Variants in FLRT1 observed in about 807,000 individuals in gnomAD.
The protein encoded by FLRT1 is leucine-rich repeat transmembrane protein FLRT1.
In FLRT1, 14 loss-of-function variants were observed where a neutral mutation model predicts 30.9. The ratio of observed to expected loss-of-function variants is 0.45; its 90% confidence interval spans 0.30 to 0.71. The LOEUF is 0.71. FLRT1 is among the 30% of genes least tolerant of loss of function. The pLI, the probability that FLRT1 is intolerant of heterozygous loss-of-function variation, is 0.08. For missense variants in FLRT1, 737 were observed against 949.2 expected, an observed-to-expected ratio of 0.78 and a Z score of 2.94; for synonymous variants, 368 against 430.4, an observed-to-expected ratio of 0.85 and a Z score of 1.80.
intron 1 of FLRT1, among the ~76,000 whole-genome samples, chr11:64,052,012 G>T (rs1198042821): frequency 1.3e-5 from 2 of 151,684 alleles, no homozygotes; most frequent in Admixed American, 1.3e-4. Context: ...GAGAGCTGGG[G>T]GCTTGCTAAT....
chr11:64,063,449 C>T (rs1442867643), intron 1 of FLRT1, among the ~76,000 whole-genome samples: 2 of 151,966 alleles, frequency 1.3e-5, no homozygotes, highest in Non-Finnish European at 1.5e-5. Flanking sequence ...CCAGGGGTGG[C>T]GAATTGTGCT....
intron 1 of FLRT1, among the ~76,000 whole-genome samples, chr11:64,072,494 C>T (rs542737718): frequency 1.3e-5 from 2 of 152,176 alleles, no homozygotes; most frequent in Admixed American, 1.3e-4. Context: ...CCATAAGTTA[C>T]GAGCATGATG....
intron 1 of FLRT1, among the ~76,000 whole-genome samples, chr11:64,065,278 C>T (rs988718555): frequency 1.3e-5 from 2 of 152,078 alleles, no homozygotes; most frequent in East Asian, 1.9e-4. Context: ...TGGGCAGGAT[C>T]GGGCAGGTGG....
At chr11:64,039,231 G>T (rs1269634505) in intron 1 of FLRT1, among the ~76,000 whole-genome samples, 1 of 152,060 alleles carries the variant, frequency 6.6e-6, no homozygotes, top group Non-Finnish European at 1.5e-5. Flanking sequence ...AGCGTGGGTG[G>T]ACAAGAAGGG....
chr11:64,100,483 G>A (rs1229889866), intron 1 of FLRT1, among the ~76,000 whole-genome samples: 1 of 152,228 alleles, frequency 6.6e-6, no homozygotes, highest in African/African-American at 2.4e-5. Flanking sequence ...GGGAGGCCAA[G>A]GCGAGGAGTG....
chr11:64,084,303 CAT>C (rs1175806313), intron 1 of FLRT1, among the ~76,000 whole-genome samples: 2 of 152,252 alleles, frequency 1.3e-5, no homozygotes, highest in South Asian at 2.1e-4. Flanking sequence ...AGCAGGAACA[CAT>C]GTGTGAGAGT....
chr11:64,091,323 T>G (rs953301274), intron 1 of FLRT1, among the ~76,000 whole-genome samples: 3 of 151,998 alleles, frequency 2.0e-5, no homozygotes, highest in African/African-American at 7.3e-5. Flanking sequence ...TTTCATCACG[T>G]TTCATTTTCT....
intron 2 of FLRT1, among the ~76,000 whole-genome samples, chr11:64,115,087 G>A (rs1226756615): frequency 6.6e-6 from 1 of 152,150 alleles, no homozygotes; most frequent in Non-Finnish European, 1.5e-5. Flanking sequence ...GGGACTTCAG[G>A]TTCCGAGAGG....
At chr11:64,054,987 C>T (rs1044917383) in intron 1 of FLRT1, among the ~76,000 whole-genome samples, 5 of 152,208 alleles carry the variant, frequency 3.3e-5, no homozygotes, top group Non-Finnish European at 7.3e-5. Context: ...CCCTTTCCTA[C>T]CGCCACTACC....
rs1322458498 is a variant in FLRT1 at position 64,067,058 on chromosome 11, A to G, written c.-1038+30899A>G. Among the ~76,000 whole-genome samples, 5 of 151,972 alleles carry G rather than the reference A, an allele frequency of 3.3e-5. No homozygotes were observed. The highest frequency in any genetic ancestry group is 9.7e-5 in the African/African-American group (4 of 41,366). ...GGGGCTCAGGGACCCCCCATGCCCA[A>G]TGTCCTGGCTCATTTGGGTAAACTA... On this transcript the variant is annotated intron_variant, in intron 1 of 2. Coordinates refer to ENST00000682287, the MANE Select transcript of FLRT1 (RefSeq NM_013280.5). This position sits in a 1 kb window ranked among gnomAD's most constrained non-coding sequence, Gnocchi z 4.6.
Position 64,067,712 on chromosome 11 carries a change from C to T in FLRT1, c.-1038+31553C>T, listed in dbSNP as rs762198180. Among the ~76,000 whole-genome samples the T allele has an allele frequency of 2.6e-5, 4 of 152,194 alleles. No individual in the cohort carries two copies. The highest frequency in any genetic ancestry group is 4.8e-5 in the African/African-American group (2 of 41,446). ...GCCCTGCCTGCAGTGATTGCGGACA[C>T]GCCCCTCGCGAGGCACCGCAGGCTG... On this transcript the variant is annotated intron_variant, in intron 1 of 2. Transcript: ENST00000682287. The surrounding 1 kb of genome is among the most constrained non-coding windows in gnomAD (Gnocchi z 4.6).
intron 1 of FLRT1, among the ~76,000 whole-genome samples, chr11:64,055,844 GCC>G (rs901466944): frequency 2.0e-5 from 3 of 152,194 alleles, no homozygotes; most frequent in African/African-American, 7.2e-5. Flanking sequence ...TTAGCACCAG[GCC>G]AGGCCGGTGA....
chr11:64,048,021 C>T (rs1170167300), intron 1 of FLRT1, among the ~76,000 whole-genome samples: 1 of 152,188 alleles, frequency 6.6e-6, no homozygotes, highest in East Asian at 1.9e-4. Flanking sequence ...TGAGCCACCA[C>T]TTCAGAGTGG....
At chr11:64,084,155 C>A (rs971550355) in intron 1 of FLRT1, among the ~76,000 whole-genome samples, 2 of 152,176 alleles carry the variant, frequency 1.3e-5, no homozygotes, top group Non-Finnish European at 2.9e-5. Flanking sequence ...GTGCATGGCA[C>A]GCGCGCCTTC....
chr11:64,115,932 C>T (rs1029655114), intron 2 of FLRT1, among the ~76,000 whole-genome samples: 2 of 152,250 alleles, frequency 1.3e-5, no homozygotes, highest in African/African-American at 2.4e-5. Flanking sequence ...CTCCGGATCA[C>T]ATTCCAGGAG....
chr11:64,098,276 GC>G (rs1486955523), intron 1 of FLRT1, among the ~76,000 whole-genome samples: 2 of 152,176 alleles, frequency 1.3e-5, no homozygotes, highest in Non-Finnish European at 1.5e-5. Flanking sequence ...CAGGCTCCGG[GC>G]CCTGCTTCAG....
At chr11:64,040,789 GA>G (rs1486279261) in intron 1 of FLRT1, among the ~76,000 whole-genome samples, 1 of 152,156 alleles carries the variant, frequency 6.6e-6, no homozygotes, top group Non-Finnish European at 1.5e-5. Flanking sequence ...CAGGCAGAGG[GA>G]GAAGGGAGTG....
chr11:64,054,830 G>A (rs1943754624), intron 1 of FLRT1, among the ~76,000 whole-genome samples: 1 of 151,800 alleles, frequency 6.6e-6, no homozygotes, highest in Non-Finnish European at 1.5e-5. Flanking sequence ...CCCTTCCTTG[G>A]GTGGTACTTT....
chr11:64,118,262 C>A lies in FLRT1; in HGVS notation c.1995C>A (p.Gly665=). 1 of 1,592,442 alleles carries A rather than the reference C, an allele frequency of 6.3e-7. No homozygotes were observed. Among genetic ancestry groups the A allele is most frequent in the Non-Finnish European group, 8.6e-7 (1 of 1,166,316 alleles). ...CCACGCGGGGCTACCGGGACGGCGG[C>A]ATCCCCGACATAGACTACTCCTACA... ...YGTTRGYRDG[G]IPDIDYSYT The change falls in exon 3 of 3, where the codon GGC becomes GGA. Residue 665 remains glycine (G), a synonymous_variant. Coordinates refer to ENST00000682287, the MANE Select transcript of FLRT1 (RefSeq NM_013280.5).
Sources: allele counts gnomAD v4.1 joint callset (sites outside exome capture counted in the v4.1 genomes callset), GRCh38; gene constraint gnomAD v4.1.1; non-coding constraint Gnocchi (gnomAD v3.1); transcripts MANE v1.5; gene names NCBI Gene and HGNC (gene_info 2026-07-23, HGNC 2026-07-21).